AOPEP: variants seen among roughly 807,000 people sequenced by gnomAD.
The protein encoded by AOPEP is aminopeptidase O.
AOPEP carries 77 observed loss-of-function variants against 98.1 expected under a neutral mutation model. The ratio of observed to expected loss-of-function variants is 0.78; its 90% CI spans 0.65 to 0.95. AOPEP has a LOEUF of 0.95. AOPEP is among the 40% of genes least tolerant of loss of function. The pLI is 0.00. For synonymous variants in AOPEP, 346 were observed against 365.3 expected (o/e 0.95, Z 0.60); for missense variants, 1,024 against 1,024.7 (o/e 1.00, Z 0.01).
intron 5 of AOPEP, among the ~76,000 whole-genome samples, chr9:94,867,553 A>AG (rs2045850551): frequency 6.6e-6 from 1 of 152,248 alleles, no homozygotes; most frequent in African/African-American, 2.4e-5. Flanking sequence ...ACATTAAAAC[A>AG]GTGATAACAT....
chr9:95,124,225 A>G, the AOPEP span, among the ~76,000 whole-genome samples: 1 of 152,094 alleles, frequency 6.6e-6, no homozygotes, highest in African/African-American at 2.4e-5. Context: ...CTCGGAAGTC[A>G]AACTGCGGAG....
chr9:95,064,098 A>G (rs1233029633), intron 14 of AOPEP, among the ~76,000 whole-genome samples: 1 of 152,196 alleles, frequency 6.6e-6, no homozygotes, highest in Admixed American at 6.5e-5. Context: ...TAGTAGGAGC[A>G]AGTGAATGTG....
At chr9:94,973,117 A>G (rs925163693) in intron 10 of AOPEP, among the ~76,000 whole-genome samples, 1 of 152,178 alleles carries the variant, frequency 6.6e-6, no homozygotes, top group Non-Finnish European at 1.5e-5. Context: ...CCTTACCTCT[A>G]TCTGGCTGCA....
chr9:95,146,842 C>T, the AOPEP span, among the ~76,000 whole-genome samples: 3 of 151,792 alleles, frequency 2.0e-5, no homozygotes, highest in Non-Finnish European at 2.9e-5. Flanking sequence ...AACTGAGATG[C>T]GTTAAAAGAA....
At chr9:94,973,645 TCATAC>T (rs2059662372) in intron 10 of AOPEP, among the ~76,000 whole-genome samples, 1 of 152,202 alleles carries the variant, frequency 6.6e-6, no homozygotes, top group Non-Finnish European at 1.5e-5. Context: ...CTGCTGTTCC[TCATAC>T]CCAGGAGGCC....
intron 5 of AOPEP, among the ~76,000 whole-genome samples, chr9:94,913,118 C>G (rs2136497029): frequency 6.6e-6 from 1 of 152,282 alleles, no homozygotes; most frequent in East Asian, 1.9e-4. Context: ...GGGATCCTTG[C>G]CCACATTTTC....
chr9:95,003,785 A>G (rs2132645842), intron 11 of AOPEP: 1 of 153,698 alleles, frequency 6.5e-6, no homozygotes, highest in East Asian at 1.9e-4. Context: ...TAATGACGCA[A>G]AATGGTTAAC....
intron 1 of AOPEP, among the ~76,000 whole-genome samples, chr9:94,748,107 C>A (rs1834925590): frequency 6.6e-6 from 1 of 152,112 alleles, no homozygotes; most frequent in Non-Finnish European, 1.5e-5. Context: ...AGTAAGATTT[C>A]AGGACTAATA....
intron 5 of AOPEP, among the ~76,000 whole-genome samples, chr9:94,916,522 G>A (rs894767733): frequency 3.3e-5 from 5 of 151,986 alleles, no homozygotes; most frequent in African/African-American, 9.7e-5. Flanking sequence ...GGCCAACATG[G>A]TGAAACTCCC....
At chr9:94,937,121 C>T (rs1401098313) in intron 7 of AOPEP, among the ~76,000 whole-genome samples, 2 of 152,174 alleles carry the variant, frequency 1.3e-5, no homozygotes, top group African/African-American at 2.4e-5. Flanking sequence ...GATTGGGGGG[C>T]GGGGCTGAAA....
At chr9:94,896,911 T>G (rs78377227) in intron 5 of AOPEP, among the ~76,000 whole-genome samples, 1 of 2,644 alleles carries the variant, frequency 3.8e-4, no homozygotes, top group Admixed American at 7.8e-3. Flanking sequence ...CTTTTGTGGG[T>G]TTTTTTTTTT....
rs568254584 is a variant in AOPEP, at chr9:94,974,020, C to T, written c.1917-5347C>T. ...CAGTGTCATTTCAATAATTATGCTC[C>T]AAACAGCAGAACCTGCACACATGTC... On this transcript the variant is annotated intron_variant, in intron 10 of 16. Transcript: ENST00000375315. 7.2e-5 allele frequency among the ~76,000 whole-genome samples: 11 copies of T among 152,302 alleles called. No homozygotes were observed. The South Asian group carries it at 2.3e-3, about 32-fold the overall frequency.
chr9:94,853,962 C>T (rs2043876311), intron 5 of AOPEP, among the ~76,000 whole-genome samples: 1 of 152,194 alleles, frequency 6.6e-6, no homozygotes. Flanking sequence ...CCTCTTAGCA[C>T]ATGCGCAGCA....
At chr9:94,770,339 G>C (rs2132761839) in intron 2 of AOPEP, among the ~76,000 whole-genome samples, 1 of 152,278 alleles carries the variant, frequency 6.6e-6, no homozygotes, top group South Asian at 2.1e-4. Flanking sequence ...ACACTTAGCA[G>C]TTTAAAAGAA....
At chr9:94,780,444 T>C (rs1462882155) in intron 3 of AOPEP, among the ~76,000 whole-genome samples, 1 of 152,216 alleles carries the variant, frequency 6.6e-6, no homozygotes, top group Non-Finnish European at 1.5e-5. Flanking sequence ...TTACACCTTA[T>C]ATGATATCAC....
rs747643520 is a variant in AOPEP, at chr9:95,060,753, C to A, written c.2175C>A (p.Ser725Arg). 3 of 1,613,892 alleles carry A rather than the reference C, an allele frequency of 1.9e-6. No individual in the cohort carries two copies. The highest frequency in any genetic ancestry group is 2.5e-6 in the Non-Finnish European group (3 of 1,179,898). Reference protein sequence around the residue: ...LEHLLEQKTLSPRTLQSLQRT... With the variant: ...LEHLLEQKTLRPRTLQSLQRT... ...ATCTCTTGGAGCAGAAGACTCTGAG[C>A]CCCCGAACTCTGCAAAGCCTCCAGA... The change falls in exon 14 of 17, where the codon AGC becomes AGA. Residue 725 changes from serine to arginine, a missense_variant. This residue lies in a region of AOPEP where 566 missense variants were observed against 551.7 expected (regional missense o/e 1.03). Coordinates refer to ENST00000375315, the MANE Select transcript of AOPEP (RefSeq NM_001193329.3).
intron 5 of AOPEP, among the ~76,000 whole-genome samples, chr9:94,841,472 C>T (rs1036919910): frequency 1.3e-5 from 2 of 152,162 alleles, no homozygotes; most frequent in Admixed American, 1.3e-4. Context: ...ACGTGCCTGG[C>T]CACTCCACAC....
At chr9:94,953,458 C>G (rs1400903728) in intron 7 of AOPEP, among the ~76,000 whole-genome samples, 4 of 152,106 alleles carry the variant, frequency 2.6e-5, no homozygotes, top group Non-Finnish European at 5.9e-5. Context: ...AATCAGGGAT[C>G]CTGTTTGCTA....
At chr9:95,021,589 T>C (rs571986765) in intron 13 of AOPEP, 2 of 152,370 alleles carry the variant, frequency 1.3e-5, no homozygotes, top group East Asian at 1.9e-4. Context: ...CCAGCATGCA[T>C]GTGTAGCTTG....
Sources: allele counts gnomAD v4.1 joint callset (sites outside exome capture counted in the v4.1 genomes callset), GRCh38; gene constraint gnomAD v4.1.1; regional missense constraint gnomAD v4.1.1; transcripts MANE v1.5; gene names NCBI Gene and HGNC (gene_info 2026-07-23, HGNC 2026-07-21).